Variants in NPIPB2 observed in about 807,000 individuals in gnomAD.
NPIPB2 encodes the protein nuclear pore complex interacting protein family member B2, also known as nuclear pore complex-interacting protein family member B2.
A neutral mutation model predicts 30.8 loss-of-function variants in NPIPB2; 27 were observed. The ratio of observed to expected loss-of-function variants is 0.88; its 90% CI spans 0.65 to 1.21. NPIPB2 has a LOEUF of 1.21. NPIPB2 is among the 50% of genes most tolerant of loss of function. The pLI, the probability that NPIPB2 is intolerant of heterozygous loss-of-function variation, is 0.00. For synonymous variants in NPIPB2, 147 were observed against 162.0 expected (o/e 0.91, Z 0.70); for missense variants, 440 against 446.2 (o/e 0.99, Z 0.13).
intron 1 of NPIPB2, chr16:11,976,549 C>T (rs912844605): frequency 1.4e-5 from 5 of 357,078 alleles, no homozygotes; most frequent in Admixed American, 4.7e-5. Context: ...GACGCCTCCT[C>T]GCGGGGTCTC....
intron 1 of NPIPB2, among the ~76,000 whole-genome samples, chr16:11,958,057 A>G (rs2055125123): frequency 6.6e-6 from 1 of 152,164 alleles, no homozygotes; most frequent in South Asian, 2.1e-4. Context: ...TCCAAATCCT[A>G]TGATGAGAAC....
At chr16:11,927,536 G>T in exon 8 of NPIPB2, 1 of 1,597,098 alleles carries the variant, frequency 6.3e-7, no homozygotes, top group African/African-American at 1.3e-5. Context: ...TTCCATCTCA[G>T]CCGCTCTCCA....
chr16:11,968,121 T>G, intron 1 of NPIPB2: 3 of 311,066 alleles, frequency 9.6e-6, no homozygotes, highest in South Asian at 4.0e-5. Context: ...TATACCAGTG[T>G]GGGGGGTGAG....
At chr16:11,968,002 G>T in intron 1 of NPIPB2, 1 of 832,216 alleles carries the variant, frequency 1.2e-6, no homozygotes, top group South Asian at 2.0e-5. Flanking sequence ...TATTTCTCTA[G>T]GTTACTGTTG....
chr16:11,966,096 G>A (rs1397041775), intron 1 of NPIPB2: 1 of 1,312,100 alleles, frequency 7.6e-7, no homozygotes, highest in African/African-American at 1.5e-5. Context: ...GGGCAACAGA[G>A]CAAGACTTTG....
chr16:11,932,728 A>G (rs1484612096), intron 4 of NPIPB2, among the ~76,000 whole-genome samples: 9 of 116,566 alleles, frequency 7.7e-5, no homozygotes, highest in Admixed American at 3.0e-4. Context: ...GTGAGCCAAG[A>G]TCATGCCACT....
intron 1 of NPIPB2, among the ~76,000 whole-genome samples, chr16:11,972,223 C>T (rs1258412994): frequency 6.6e-6 from 1 of 152,136 alleles, no homozygotes; most frequent in Non-Finnish European, 1.5e-5. Flanking sequence ...TTCTGTCATG[C>T]CAATGAAGCC....
At chr16:11,972,420 A>G (rs2055241629) in intron 1 of NPIPB2, among the ~76,000 whole-genome samples, 1 of 151,464 alleles carries the variant, frequency 6.6e-6, no homozygotes, top group Admixed American at 6.6e-5. Context: ...CAGAAAATAC[A>G]ATAATTAGCC....
chr16:11,957,154 T>C (rs1248317963), intron 1 of NPIPB2, among the ~76,000 whole-genome samples: 1 of 141,214 alleles, frequency 7.1e-6, no homozygotes, highest in Non-Finnish European at 1.5e-5. Context: ...ACCACACCTG[T>C]CTAACTTTTT....
At chr16:11,939,486 G>T (rs1450861564) in intron 1 of NPIPB2, among the ~76,000 whole-genome samples, 752 of 114,504 alleles carry the variant, frequency 6.6e-3, no homozygotes, top group Non-Finnish European at 0.011. Flanking sequence ...CTTGAACCCG[G>T]GAGGCAGAGG....
At chr16:11,960,573 G>C (rs2055146075) in intron 1 of NPIPB2, among the ~76,000 whole-genome samples, 1 of 152,020 alleles carries the variant, frequency 6.6e-6, no homozygotes, top group Admixed American at 6.6e-5. Context: ...GGCCAGGCTG[G>C]TCTCAAACTC....
At chr16:11,935,595 T>A (rs2054854888) in intron 2 of NPIPB2, among the ~76,000 whole-genome samples, 1 of 152,208 alleles carries the variant, frequency 6.6e-6, no homozygotes, top group South Asian at 2.1e-4. Flanking sequence ...ATTACAGGCA[T>A]GAGCCACCAC....
intron 5 of NPIPB2, 61 bp downstream of exon 5, chr16:11,930,389 G>T: frequency 3.5e-6 from 5 of 1,441,706 alleles, no homozygotes; most frequent in South Asian, 1.2e-5. Flanking sequence ...TTGTACAAAG[G>T]TTAAAAACAA....
intron 1 of NPIPB2, among the ~76,000 whole-genome samples, chr16:11,961,306 C>A (rs941920494): frequency 1.3e-5 from 2 of 152,106 alleles, no homozygotes; most frequent in African/African-American, 4.8e-5. Flanking sequence ...CCCTGTCCTG[C>A]CTAGGCAGCC....
exon 5 of NPIPB2, chr16:11,930,501 G>A (rs745715814): frequency 1.5e-5 from 24 of 1,586,812 alleles, no homozygotes; most frequent in Non-Finnish European, 2.0e-5. Context: ...CTCTGCCTCT[G>A]ACACCTGCCT....
At chr16:11,951,103 A>G (rs2055057177) in intron 1 of NPIPB2, among the ~76,000 whole-genome samples, 1 of 152,108 alleles carries the variant, frequency 6.6e-6, no homozygotes, top group South Asian at 2.1e-4. Context: ...TCAGTTAGCA[A>G]TACCTCATTA....
Position 11,968,118 on chromosome 16 carries a change from G to A in NPIPB2, c.-584+8450C>T, listed in dbSNP as rs1448206501. The A allele has an allele frequency of 1.3e-5, 5 of 380,980 alleles. No individual in the cohort carries two copies. The South Asian group carries it at 1.7e-4, about 13-fold the overall frequency. The allele number at this position is 380,980 out of a possible 1,614,324, so 23.6% of individuals were successfully genotyped here. A position where few individuals can be genotyped will look rare whatever the true frequency, so the allele number is the denominator to read the frequency against. ...TTTTTAAAAACAAGCATGTATACCA[G>A]TGTGGGGGGTGAGGGTGGGAGAGAA... On this transcript the variant is annotated intron_variant, in intron 1 of 5. Transcript: ENST00000538896.
intron 1 of NPIPB2, chr16:11,976,550 G>C: frequency 2.8e-6 from 1 of 356,828 alleles, no homozygotes; most frequent in Non-Finnish European, 5.0e-6. Flanking sequence ...ACGCCTCCTC[G>C]CGGGGTCTCG....
intron 1 of NPIPB2, among the ~76,000 whole-genome samples, chr16:11,969,728 G>A (rs981795361): frequency 1.3e-5 from 2 of 152,118 alleles, no homozygotes; most frequent in Non-Finnish European, 2.9e-5. Context: ...ATGTGTAATC[G>A]CAAACTGTGA....
Sources: allele counts gnomAD v4.1 joint callset (sites outside exome capture counted in the v4.1 genomes callset), GRCh38; gene constraint gnomAD v4.1.1; transcripts MANE v1.5; gene names NCBI Gene and HGNC (gene_info 2026-07-23, HGNC 2026-07-21).